The following CHD1 variants were observed in gnomAD, a reference collection of about 807,000 sequenced individuals.
CHD1 encodes the protein chromodomain helicase DNA binding protein 1.
CHD1 carries 36 observed loss-of-function variants against 224.2 expected under a neutral mutation model. The ratio of observed to expected loss-of-function variants is 0.16; its 90% CI spans 0.12 to 0.21. The LOEUF (loss-of-function observed/expected upper bound fraction) is 0.21, where lower values mean the gene tolerates loss of function less well. Among genes scored for constraint, CHD1 ranks in the 10% least tolerant of loss-of-function variants. The probability of loss-of-function intolerance (pLI) is 1.00; values close to 1 mark genes in which losing one functional copy is unlikely to be tolerated. For synonymous variants in CHD1, 668 were observed against 658.3 expected (o/e 1.01, Z -0.23); for missense variants, 1,378 against 1,994.8 (o/e 0.69, Z 5.89).
chr5:98,911,566 C>T (rs998070803), intron 2 of CHD1, among the ~76,000 whole-genome samples: 1 of 152,128 alleles, frequency 6.6e-6, no homozygotes, highest in Non-Finnish European at 1.5e-5. Flanking sequence ...TTAGAAATCA[C>T]AGTGGAGAAA....
chr5:98,888,047 T>C (rs1750768468), intron 17 of CHD1, 41 bp downstream of exon 17: 1 of 1,313,744 alleles, frequency 7.6e-7, no homozygotes. Context: ...TGCACAGGAA[T>C]TAGATAAAAT....
rs1411272736 is a variant in CHD1 at position 98,900,795 on chromosome 5, G to T, written c.859+16C>A. ...TATTTAAATAACCAAACAATAAATG[G>T]TTTTTTAAAAACTACCTCCTTTTCT... On this transcript the variant is annotated intron_variant, in intron 7 of 35. Coordinates refer to ENST00000614616, the MANE Select transcript of CHD1 (RefSeq NM_001270.4). 8 of 1,599,524 alleles carry T rather than the reference G, an allele frequency of 5.0e-6. No individual in the cohort carries two copies. The highest frequency in any genetic ancestry group is 4.1e-5 in the African/African-American group (3 of 73,930).
chr5:98,917,496 T>C (rs1752813269), intron 2 of CHD1, among the ~76,000 whole-genome samples: 1 of 152,276 alleles, frequency 6.6e-6, no homozygotes, highest in Middle Eastern at 3.4e-3. Context: ...AATTTTAGAA[T>C]CCCATGATAT....
At chr5:98,905,199 C>T in intron 2 of CHD1, 101 bp from the exon 3 acceptor site, 2 of 1,359,546 alleles carry the variant, frequency 1.5e-6, no homozygotes, top group Non-Finnish European at 2.0e-6. Context: ...TTACTTCATA[C>T]TTAATATTTC....
intron 17 of CHD1, among the ~76,000 whole-genome samples, chr5:98,887,224 G>A (rs146755087): frequency 1.3e-5 from 2 of 152,154 alleles, no homozygotes; most frequent in African/African-American, 4.8e-5. Context: ...CTAAATGACT[G>A]CAATTATTTC....
At chr5:98,901,605 T>C (rs948287035) in intron 5 of CHD1, among the ~76,000 whole-genome samples, 2 of 152,064 alleles carry the variant, frequency 1.3e-5, no homozygotes, top group African/African-American at 2.4e-5. Context: ...TAGATGAAAA[T>C]CTCATAAAAT....
intron 7 of CHD1, 48 bp from the exon 8 acceptor site, chr5:98,899,753 G>A: frequency 7.4e-7 from 1 of 1,348,238 alleles, no homozygotes; most frequent in Non-Finnish European, 1.0e-6. Flanking sequence ...TTCTGTTGTA[G>A]GATTATATTT....
Position 98,863,463 on chromosome 5 carries a change from T to C in CHD1, c.4372A>G (p.Ile1458Val), listed in dbSNP as rs752444165. The C allele has an allele frequency of 1.9e-6, 3 of 1,605,870 alleles. No homozygotes were observed. Among genetic ancestry groups the C allele is most frequent in the East Asian group, 2.2e-5 (1 of 44,716 alleles). ...GTATACTCTTTTAGACATTCTGTGA[T>C]ATGGTCTCCAATTTTTATTAAACAT... ...RQCLIKIGDH[I>V]TECLKEYTNP... The change falls in exon 32 of 36, where the codon ATC (isoleucine) becomes GTC (valine). Residue 1458 changes from isoleucine (I) to valine (V), a missense_variant. Coordinates refer to ENST00000614616, the MANE Select transcript of CHD1 (RefSeq NM_001270.4).
intron 18 of CHD1, 122 bp from the exon 19 acceptor site, chr5:98,883,359 T>C (rs1450106258): frequency 3.9e-6 from 2 of 514,844 alleles, no homozygotes; most frequent in Non-Finnish European, 6.8e-6. Flanking sequence ...GCAAGACCAA[T>C]CAACAAAAAG....
chr5:98,900,744 G>T, intron 7 of CHD1, 67 bp downstream of exon 7: 2 of 1,405,018 alleles, frequency 1.4e-6, no homozygotes, highest in Non-Finnish European at 2.0e-6. Context: ...GACCCACTGT[G>T]CCCAGCCCTC....
At chr5:98,918,153 G>A (rs1752865210) in intron 2 of CHD1, among the ~76,000 whole-genome samples, 1 of 151,576 alleles carries the variant, frequency 6.6e-6, no homozygotes, top group Non-Finnish European at 1.5e-5. Context: ...TGCCTCCTGG[G>A]TTCATGCCAT....
chr5:98,910,069 C>A (rs1232541164), intron 2 of CHD1, among the ~76,000 whole-genome samples: 1 of 152,030 alleles, frequency 6.6e-6, no homozygotes, highest in East Asian at 1.9e-4. Context: ...ACTAGGTGAA[C>A]CTATTACTAC....
In CHD1 at chr5:98,872,568, T is replaced by A. The variant is rs748184405; in HGVS notation, c.3572-13A>T. ...CCGAGTCTACCACCTTGATTTTTTT[T>A]AAAAAAACCAGTATTTTTAAAAGTA... On this transcript the variant is annotated splice_polypyrimidine_tract_variant and intron_variant, in intron 26 of 35. Coordinates refer to ENST00000614616, the MANE Select transcript of CHD1 (RefSeq NM_001270.4). 358 of 1,608,254 alleles carry A rather than the reference T, an allele frequency of 2.2e-4. 1 individual carries two copies. Among genetic ancestry groups the A allele is most frequent in the South Asian group, 4.0e-4 (36 of 90,026 alleles).
Position 98,911,130 on chromosome 5 carries a change from GAAAA to G in CHD1, c.54-6036_54-6033del, listed in dbSNP as rs11451331. Among the ~76,000 whole-genome samples the G allele has an allele frequency of 6.6e-3, 289 of 44,010 alleles. 3 individuals carry two copies. Among genetic ancestry groups the G allele is most frequent in the African/African-American group, 0.03 (271 of 8,968 alleles). 28.9% of individuals were successfully genotyped at this position (44,010 alleles called of 152,430 possible). A position where few individuals can be genotyped will look rare whatever the true frequency, so the allele number is the denominator to read the frequency against. On this transcript the variant is annotated intron_variant, in intron 2 of 35. Coordinates refer to ENST00000614616, the MANE Select transcript of CHD1 (RefSeq NM_001270.4). ...TCTAACAACCTTCCTGTGCTAAAAT[GAAAA>G]AAAAAAAAAAAAATATATATATATA...
intron 31 of CHD1, among the ~76,000 whole-genome samples, chr5:98,868,129 G>A (rs1370910232): frequency 6.6e-6 from 1 of 151,500 alleles, no homozygotes; most frequent in African/African-American, 2.4e-5. Context: ...AGGAGTTCGA[G>A]ACCAGCCTGG....
Position 98,881,110 on chromosome 5 carries a change from A to G in CHD1, c.3026T>C (p.Leu1009Ser). 1 of 1,611,386 alleles carries G rather than the reference A, an allele frequency of 6.2e-7. No individual in the cohort carries two copies. The highest frequency in any genetic ancestry group is 8.5e-7 in the Non-Finnish European group (1 of 1,178,482). Residue 1009 changes from leucine to serine, a missense_variant, in exon 22 of 36, where the codon TTA (leucine) becomes TCA (serine). Leu to Ser is a moderately radical substitution (Grantham distance 145). This residue lies in a region of CHD1 where 286 missense variants were observed against 445.1 expected (regional missense o/e 0.64). Transcript: ENST00000614616. ...AETHENEPGP[L>S]TVGDELLSQF... ...GGAAAGCAATTCATCTCCTACAGTT[A>G]AAGGACCTGGTTCATTTTCATGAGT...
chr5:98,903,165 GTA>G (rs1751833914), intron 4 of CHD1, among the ~76,000 whole-genome samples: 1 of 152,100 alleles, frequency 6.6e-6, no homozygotes, highest in Admixed American at 6.6e-5. Flanking sequence ...GTGAAATTAA[GTA>G]AATAGCAAAA....
chr5:98,904,036 T>C (rs1208295611), intron 3 of CHD1, 128 bp from the exon 4 acceptor site: 2 of 599,694 alleles, frequency 3.3e-6, no homozygotes, highest in East Asian at 5.7e-5. Flanking sequence ...TCCTTACCTA[T>C]ATGTAACACA....
intron 18 of CHD1, among the ~76,000 whole-genome samples, chr5:98,884,359 C>A (rs1750486857): frequency 6.6e-6 from 1 of 152,124 alleles, no homozygotes; most frequent in Non-Finnish European, 1.5e-5. Flanking sequence ...CAAGCGTGAG[C>A]CACCACGCCC....
Sources: gnomAD v4.1 joint callset for allele counts (sites outside exome capture counted in the v4.1 genomes callset) on GRCh38, gnomAD v4.1.1 for gene constraint, gnomAD v4.1.1 regional missense constraint, MANE v1.5 for transcripts, NCBI Gene and HGNC (gene_info 2026-07-23, HGNC 2026-07-21) for gene names.